Variants in TFB1M observed in about 807,000 individuals in gnomAD.
TFB1M encodes dimethyladenosine transferase 1, mitochondrial.
Under a neutral mutation model 31.1 loss-of-function variants are expected in TFB1M, and 27 were observed. That is an observed-to-expected ratio of 0.87 (90% confidence interval 0.64 to 1.20). The LOEUF (loss-of-function observed/expected upper bound fraction) is 1.20. Ranked by LOEUF, TFB1M falls within the 50% of genes most tolerant of loss-of-function variation. The pLI, the probability that TFB1M is intolerant of heterozygous loss-of-function variation, is 0.00. For synonymous variants in TFB1M, 166 were observed against 151.8 expected (o/e 1.09, Z -0.69); for missense variants, 394 against 418.7 (o/e 0.94, Z 0.51).
the TFB1M span, among the ~76,000 whole-genome samples, chr6:155,232,042 C>G: frequency 6.6e-6 from 1 of 152,174 alleles, no homozygotes; most frequent in South Asian, 2.1e-4. Context: ...GATCGTGCCA[C>G]TGCACTCCCG....
At chr6:155,306,355 T>C (rs1777764588) in intron 2 of TFB1M, among the ~76,000 whole-genome samples, 1 of 152,210 alleles carries the variant, frequency 6.6e-6, no homozygotes. Context: ...AGGACCCGGA[T>C]ATTCTACTCC....
chr6:155,298,387 A>C (rs1451571054), intron 3 of TFB1M, 90 bp downstream of exon 3: 3 of 738,880 alleles, frequency 4.1e-6, no homozygotes, highest in East Asian at 2.7e-5. Context: ...TAAACATATA[A>C]GACATTTGTA....
At chr6:155,287,528 GACT>G (rs201410476) in intron 4 of TFB1M, among the ~76,000 whole-genome samples, 1 of 138,358 alleles carries the variant, frequency 7.2e-6, no homozygotes, top group East Asian at 2.5e-4. Context: ...ATCTTGAAAA[GACT>G]ACTCCTATCA....
the TFB1M span, among the ~76,000 whole-genome samples, chr6:155,237,028 G>A: frequency 6.6e-6 from 1 of 152,346 alleles, no homozygotes; most frequent in Non-Finnish European, 1.5e-5. Flanking sequence ...AAGGTCTACA[G>A]TCTAAAATCT....
At chr6:155,310,297 G>A (rs755880613) in intron 2 of TFB1M, among the ~76,000 whole-genome samples, 17 of 152,238 alleles carry the variant, frequency 1.1e-4, no homozygotes, top group Non-Finnish European at 2.4e-4. Flanking sequence ...GAATTATGGA[G>A]GAATCAAAGG....
At chr6:155,250,619 AC>A in the TFB1M span, 1 of 1,535,992 alleles carries the variant, frequency 6.5e-7, no homozygotes, top group Non-Finnish European at 8.7e-7. Flanking sequence ...AGAACCACGG[AC>A]ACTGGTAGAG....
intron 5 of TFB1M, among the ~76,000 whole-genome samples, chr6:155,265,675 A>G (rs1456173694): frequency 2.7e-5 from 4 of 147,898 alleles, no homozygotes; most frequent in Non-Finnish European, 5.9e-5. Flanking sequence ...CTAATGGAAT[A>G]TATATATATG....
chr6:155,275,142 T>C (rs1052963403), intron 5 of TFB1M, among the ~76,000 whole-genome samples: 18 of 151,692 alleles, frequency 1.2e-4, no homozygotes, highest in African/African-American at 4.4e-4. Flanking sequence ...AGGAGAATGG[T>C]GTGAACCCAG....
chr6:155,244,432 C>T, the TFB1M span, among the ~76,000 whole-genome samples: 1 of 152,214 alleles, frequency 6.6e-6, no homozygotes, highest in African/African-American at 2.4e-5. Flanking sequence ...TTTACATCCA[C>T]TTAAAAATTT....
Position 155,311,346 on chromosome 6 carries a change from G to A in TFB1M, c.134-7C>T, listed in dbSNP as rs759561897. 1.2e-6 allele frequency: 2 copies of A among 1,612,886 alleles called. No homozygotes were observed. Among genetic ancestry groups the A allele is most frequent in the Admixed American group, 1.7e-5 (1 of 60,000 alleles). ...GCTTTCCTTACAATCTTATCTAGAG[G>A]AAAAAGAGTTTTAGTTATCTCAATT... On this transcript the variant is annotated splice_region_variant and splice_polypyrimidine_tract_variant and intron_variant, in intron 1 of 6. Coordinates refer to ENST00000367166, the MANE Select transcript of TFB1M (RefSeq NM_016020.4).
the TFB1M span, chr6:155,245,600 G>A: frequency 6.3e-7 from 1 of 1,587,476 alleles, no homozygotes; most frequent in Non-Finnish European, 8.6e-7. Flanking sequence ...TGTCTGATTT[G>A]ACTTTCCCCT....
intron 4 of TFB1M, among the ~76,000 whole-genome samples, chr6:155,287,792 G>A (rs996090161): frequency 6.6e-6 from 1 of 152,052 alleles, no homozygotes. Context: ...AAAAAATTTA[G>A]GGATGCTTAT....
At chr6:155,287,551 A>AGTGTGTGTGTGT (rs150032717) in intron 4 of TFB1M, among the ~76,000 whole-genome samples, 14,830 of 147,498 alleles carry the variant, frequency 0.1, 976 homozygotes, top group African/African-American at 0.18. Context: ...ATTTACTCTG[A>AGTGTGTGTGTGT]GTGTGTGTGT....
chr6:155,244,668 T>C, the TFB1M span: 1 of 1,613,974 alleles, frequency 6.2e-7, no homozygotes, highest in Non-Finnish European at 8.5e-7. Context: ...ATGGAGTCAC[T>C]TTTTGGAAGT....
At chr6:155,232,160 C>A in the TFB1M span, among the ~76,000 whole-genome samples, 1 of 152,072 alleles carries the variant, frequency 6.6e-6, no homozygotes, top group Admixed American at 6.5e-5. Context: ...CAGATTCCAT[C>A]CTTGCCAGTG....
intron 4 of TFB1M, among the ~76,000 whole-genome samples, chr6:155,289,096 T>G (rs1776788824): frequency 6.6e-6 from 1 of 152,108 alleles, no homozygotes; most frequent in Admixed American, 6.5e-5. Flanking sequence ...AAAATAATTT[T>G]AAGTACAAGG....
intron 2 of TFB1M, among the ~76,000 whole-genome samples, chr6:155,298,896 T>C (rs1024277874): frequency 2.1e-4 from 32 of 152,170 alleles, no homozygotes; most frequent in African/African-American, 7.7e-4. Flanking sequence ...CTCACTCCTA[T>C]CAATAAGTTT....
In TFB1M at chr6:155,256,360, G is replaced by GCTAA. The variant is rs1784024205; in HGVS notation, c.*1472_*1475dup. On this transcript the variant is annotated 3_prime_UTR_variant, in exon 7 of 7. Coordinates refer to ENST00000367166, the MANE Select transcript of TFB1M (RefSeq NM_016020.4). ...TTTTTGCCTAATTACCAGGATAGTT[G>GCTAA]CTAACTGAAGTCATATCATAAAATA... 2.1e-6 allele frequency: 3 copies of GCTAA among 1,404,908 alleles called. No homozygotes were observed. Among genetic ancestry groups the GCTAA allele is most frequent in the South Asian group, 2.8e-5 (2 of 70,434 alleles). The allele number at this position is 1,404,908 out of a possible 1,614,324, so 87.0% of individuals were successfully genotyped here.
In TFB1M at chr6:155,256,158, TATTACCA is replaced by T; in HGVS notation, c.*1671_*1677del. On this transcript the variant is annotated 3_prime_UTR_variant, in exon 7 of 7. Transcript: ENST00000367166. Reference sequence around the variant, plus strand: ...GTGAAAGAAAGGAGCCTAGATTTATTATTACCAATTAACTTTTCAACTTACTCCTTGG... The same window carrying T: ...GTGAAAGAAAGGAGCCTAGATTTATTATTAACTTTTCAACTTACTCCTTGG... 4.0e-6 allele frequency: 2 copies of T among 498,810 alleles called. No homozygotes were observed. The highest frequency in any genetic ancestry group is 7.0e-6 in the Non-Finnish European group (2 of 285,558). The allele number at this position is 498,810 out of a possible 1,614,324, so 30.9% of individuals were successfully genotyped here. A position where few individuals can be genotyped will look rare whatever the true frequency, so the allele number is the denominator to read the frequency against.
Sources: allele counts gnomAD v4.1 joint callset (sites outside exome capture counted in the v4.1 genomes callset), GRCh38; gene constraint gnomAD v4.1.1; transcripts MANE v1.5; gene names NCBI Gene and HGNC (gene_info 2026-07-23, HGNC 2026-07-21).